CGNL1: variants seen among roughly 807,000 people sequenced by gnomAD.
The protein encoded by CGNL1 is cingulin-like protein 1.
A neutral mutation model predicts 141.2 loss-of-function variants in CGNL1; 132 were observed. The observed-to-expected ratio is 0.93, with a 90% confidence interval of 0.81 to 1.08. The LOEUF is 1.08. Among genes scored for constraint, CGNL1 ranks in the 50% least tolerant of loss-of-function variants. The pLI is 0.00. For synonymous variants in CGNL1, 690 were observed against 622.1 expected (o/e 1.11, Z -1.63); for missense variants, 1,870 against 1,588.6 (o/e 1.18, Z -3.01).
intron 8 of CGNL1, among the ~76,000 whole-genome samples, chr15:57,492,209 G>C (rs2063874577): frequency 6.6e-6 from 1 of 152,186 alleles, no homozygotes; most frequent in South Asian, 2.1e-4. Context: ...GCAGAACCTG[G>C]AGACCTGGCA....
At chr15:57,485,711 A>T (rs1465012101) in intron 8 of CGNL1, among the ~76,000 whole-genome samples, 1 of 152,252 alleles carries the variant, frequency 6.6e-6, no homozygotes, top group African/African-American at 2.4e-5. Flanking sequence ...TGAACAATGC[A>T]TAAGAGTATA....
chr15:57,458,588 A>G (rs1280420), intron 7 of CGNL1, among the ~76,000 whole-genome samples: 148,421 of 152,262 alleles, frequency 0.97, 72,456 homozygotes, highest in East Asian at 1. Flanking sequence ...CTGTCTTATC[A>G]TCCAAACAAT....
At chr15:57,417,512 G>T (rs2062861942) in intron 1 of CGNL1, among the ~76,000 whole-genome samples, 1 of 152,090 alleles carries the variant, frequency 6.6e-6, no homozygotes, top group Admixed American at 6.5e-5. Flanking sequence ...GGGATTTTAG[G>T]CATGAGCCAC....
rs537930730 is a variant in CGNL1, at chr15:57,541,798, G to A, written c.3292-1898G>A. Among the ~76,000 whole-genome samples, 61 of 152,318 alleles carry A rather than the reference G, an allele frequency of 4.0e-4. 1 individual carries two copies. In the South Asian group the frequency reaches 4.8e-3, roughly 12 times the overall value. On this transcript the variant is annotated intron_variant, in intron 14 of 18. Coordinates refer to ENST00000281282, the MANE Select transcript of CGNL1 (RefSeq NM_032866.5). Reference sequence around the variant, plus strand: ...TGAGGTTACTTGCATAACCGCTGCCGTAGGCCTCAGTTTCCTCTGCTGAAC... The same window carrying A: ...TGAGGTTACTTGCATAACCGCTGCCATAGGCCTCAGTTTCCTCTGCTGAAC...
chr15:57,451,575 C>G lies in CGNL1; in HGVS notation c.1879C>G (p.Gln627Glu). 1 of 1,610,454 alleles carries G rather than the reference C, an allele frequency of 6.2e-7. No homozygotes were observed. Among genetic ancestry groups the G allele is most frequent in the African/African-American group, 1.3e-5 (1 of 74,892 alleles). Residue 627 changes from glutamine (Q) to glutamate (E), a missense_variant, in exon 5 of 19, where the codon CAG (glutamine) becomes GAG (glutamate). By Grantham distance (29) the Gln-to-Glu change is conservative. Transcript: ENST00000281282. Reference sequence around the variant, plus strand: ...GTTGACCATAGAAGTGGCTGAACTTCAGAGACAGCTTCAACTGGAAGTCAA... The same window carrying G: ...GTTGACCATAGAAGTGGCTGAACTTGAGAGACAGCTTCAACTGGAAGTCAA... ...SKLTIEVAEL[Q>E]RQLQLEVKNQ...
At chr15:57,425,715 T>C (rs2062965298) in intron 1 of CGNL1, among the ~76,000 whole-genome samples, 1 of 137,588 alleles carries the variant, frequency 7.3e-6, no homozygotes, top group African/African-American at 2.8e-5. Flanking sequence ...CACTCTAGCC[T>C]GGGTGACAGA....
intron 8 of CGNL1, among the ~76,000 whole-genome samples, chr15:57,467,871 G>T (rs180813547): frequency 6.6e-6 from 1 of 152,026 alleles, no homozygotes; most frequent in African/African-American, 2.4e-5. Context: ...TACGTTTTTA[G>T]TAGAGATGGG....
rs758352204 is a variant in CGNL1 at position 57,543,750 on chromosome 15, G to A, written c.3346G>A (p.Glu1116Lys). 1.2e-6 allele frequency: 2 copies of A among 1,613,982 alleles called. No homozygotes were observed. The highest frequency in any genetic ancestry group is 2.2e-5 in the South Asian group (2 of 91,080). Residue 1116 changes from glutamate (E) to lysine (K), a missense_variant, in exon 15 of 19, where the codon GAG becomes AAG. Transcript: ENST00000281282. ...LQERAARQDL[E>K]CDKISLERQN... The stretch of plus-strand genomic sequence containing the variant: ...GGAGAGAGCTGCGAGACAAGACTTG[G>A]AGTGCGACAAGATTTCCCTGGAGAG...
intron 1 of CGNL1, among the ~76,000 whole-genome samples, chr15:57,388,816 C>G (rs2062511582): frequency 6.6e-6 from 1 of 152,216 alleles, no homozygotes; most frequent in South Asian, 2.1e-4. Context: ...TTTATTTAGA[C>G]TTCCAAAAGA....
At chr15:57,443,223 C>T (rs1388313628) in intron 4 of CGNL1, among the ~76,000 whole-genome samples, 1 of 152,126 alleles carries the variant, frequency 6.6e-6, no homozygotes, top group African/African-American at 2.4e-5. Context: ...ATTGATTGTG[C>T]TGAATTTGAG....
chr15:57,382,061 A>G (rs954706139), intron 1 of CGNL1, among the ~76,000 whole-genome samples: 1 of 152,206 alleles, frequency 6.6e-6, no homozygotes, highest in Non-Finnish European at 1.5e-5. Context: ...GATTAAAAAC[A>G]AAATTCAGCG....
chr15:57,386,159 A>T (rs1005256035), intron 1 of CGNL1, among the ~76,000 whole-genome samples: 1 of 152,250 alleles, frequency 6.6e-6, no homozygotes, highest in Non-Finnish European at 1.5e-5. Flanking sequence ...CATCGTTTAC[A>T]TATAAATAGC....
chr15:57,385,949 AACGGTAGCTCTTTT>A (rs1436635982), intron 1 of CGNL1, among the ~76,000 whole-genome samples: 9 of 152,240 alleles, frequency 5.9e-5, no homozygotes, highest in African/African-American at 2.2e-4. Flanking sequence ...AACCTCAAAC[AACGGTAGCTCTTTT>A]TAACATCTCT....
chr15:57,379,161 C>A (rs574313177), intron 1 of CGNL1, among the ~76,000 whole-genome samples: 1 of 152,106 alleles, frequency 6.6e-6, no homozygotes, highest in Non-Finnish European at 1.5e-5. Flanking sequence ...AATGCTTATT[C>A]GAGGATGCTG....
At chr15:57,427,830 A>G (rs564911536) in intron 1 of CGNL1, among the ~76,000 whole-genome samples, 1 of 152,230 alleles carries the variant, frequency 6.6e-6, no homozygotes, top group African/African-American at 2.4e-5. Flanking sequence ...CTTTTGGAAC[A>G]TACATACCTT....
Position 57,439,012 on chromosome 15 carries a change from T to G in CGNL1, c.1013T>G (p.Leu338Arg). ...GAAAACAGAAGGTATATTCCCTTCC[T>G]GCCAGGAACTGGACGGGATATTGAT... Reference protein sequence around the residue: ...RHENRRYIPFLPGTGRDIDTG... With the variant: ...RHENRRYIPFRPGTGRDIDTG... The change falls in exon 2 of 19, where the codon CTG becomes CGG. Residue 338 changes from leucine to arginine, a missense_variant. Physicochemically the swap from Leu to Arg is moderately radical, Grantham distance 102 (BLOSUM62 -2). Transcript: ENST00000281282. 1 of 1,614,222 alleles carries G rather than the reference T, an allele frequency of 6.2e-7. No individual in the cohort carries two copies. The highest frequency in any genetic ancestry group is 8.5e-7 in the Non-Finnish European group (1 of 1,180,036).
chr15:57,417,811 T>G (rs2062866275), intron 1 of CGNL1, among the ~76,000 whole-genome samples: 1 of 152,122 alleles, frequency 6.6e-6, no homozygotes, highest in Admixed American at 6.6e-5. Flanking sequence ...AAAAATCATC[T>G]AAATGTGAAA....
At chr15:57,448,321 T>C (rs190304732) in intron 4 of CGNL1, among the ~76,000 whole-genome samples, 8 of 151,616 alleles carry the variant, frequency 5.3e-5, no homozygotes, top group Admixed American at 1.3e-4. Flanking sequence ...GTCTACTTGG[T>C]TATATTTTTA....
intron 14 of CGNL1, among the ~76,000 whole-genome samples, chr15:57,533,179 T>C (rs2032052968): frequency 6.6e-6 from 1 of 152,188 alleles, no homozygotes; most frequent in South Asian, 2.1e-4. Context: ...AACCCAGCTG[T>C]GTTCCCTCCA....
Sources: gnomAD v4.1 joint callset for allele counts (sites outside exome capture counted in the v4.1 genomes callset) on GRCh38, gnomAD v4.1.1 for gene constraint, MANE v1.5 for transcripts, NCBI Gene and HGNC (gene_info 2026-07-23, HGNC 2026-07-21) for gene names.